The following PTPRK variants were observed in gnomAD, a reference collection of about 807,000 sequenced individuals.
PTPRK encodes receptor-type tyrosine-protein phosphatase kappa.
In PTPRK, 75 loss-of-function variants were observed where a neutral mutation model predicts 178.0. The ratio of observed to expected loss-of-function variants is 0.42; its 90% CI spans 0.35 to 0.51. The LOEUF is 0.51. Ranked by LOEUF, PTPRK falls within the 20% of genes least tolerant of loss-of-function variation. The pLI, the probability that PTPRK is intolerant of heterozygous loss-of-function variation, is 0.02. For synonymous variants in PTPRK, 637 were observed against 620.6 expected (o/e 1.03, Z -0.39); for missense variants, 1,441 against 1,797.8 (o/e 0.80, Z 3.59).
At chr6:128,070,697 T>C (rs1782664849) in intron 11 of PTPRK, among the ~76,000 whole-genome samples, 1 of 151,898 alleles carries the variant, frequency 6.6e-6, no homozygotes, top group Non-Finnish European at 1.5e-5. Flanking sequence ...GAGAAATGTC[T>C]TCATGATATA....
intron 3 of PTPRK, among the ~76,000 whole-genome samples, chr6:128,277,587 G>A (rs942904347): frequency 6.6e-6 from 1 of 152,130 alleles, no homozygotes; most frequent in Non-Finnish European, 1.5e-5. Context: ...ATTCTGAAAG[G>A]AGATCAATAC....
chr6:128,024,219 G>A (rs1218612843), intron 13 of PTPRK, among the ~76,000 whole-genome samples: 1 of 152,108 alleles, frequency 6.6e-6, no homozygotes, highest in African/African-American at 2.4e-5. Flanking sequence ...TAAGAGCTCT[G>A]TAAACATCTG....
intron 21 of PTPRK, among the ~76,000 whole-genome samples, chr6:127,988,882 T>C (rs1776269505): frequency 6.6e-6 from 1 of 152,080 alleles, no homozygotes; most frequent in African/African-American, 2.4e-5. Context: ...TTATAATTTT[T>C]CACATGATTT....
intron 1 of PTPRK, among the ~76,000 whole-genome samples, chr6:128,493,104 ATGAG>A (rs1326043667): frequency 4.6e-5 from 7 of 152,340 alleles, no homozygotes; most frequent in Non-Finnish European, 1.0e-4. Context: ...TGTTAAATGA[ATGAG>A]TGAGTTGGCT....
chr6:128,494,865 G>C (rs1854430447), intron 1 of PTPRK, among the ~76,000 whole-genome samples: 1 of 152,066 alleles, frequency 6.6e-6, no homozygotes, highest in Non-Finnish European at 1.5e-5. Context: ...GAAAGTATAG[G>C]GGAGAAAGTA....
intron 16 of PTPRK, 78 bp downstream of exon 16, chr6:127,998,642 G>C: frequency 8.0e-7 from 1 of 1,245,900 alleles, no homozygotes; most frequent in East Asian, 2.5e-5. Flanking sequence ...TTGTGTTAAA[G>C]AGAGGGAAAA....
At chr6:127,995,562 T>A (rs1443080555) in intron 17 of PTPRK, 24 bp from the exon 18 acceptor site, 1 of 1,427,462 alleles carries the variant, frequency 7.0e-7, no homozygotes. Flanking sequence ...ATAATAAATA[T>A]AAGCTGTTAA....
Position 128,206,182 on chromosome 6 carries a change from T to C in PTPRK, c.868+12740A>G, listed in dbSNP as rs993555608. Among the ~76,000 whole-genome samples, 22 of 151,940 alleles carry C rather than the reference T, an allele frequency of 1.4e-4. 1 individual carries two copies. The highest frequency in any genetic ancestry group is 1.3e-3 in the Admixed American group (20 of 15,232). ...TCCTCAAATATGTTAATCAAATCAATGAATATATAGGGTTTTTATGTCAAT... is the reference window on the plus strand; with the variant it reads ...TCCTCAAATATGTTAATCAAATCAACGAATATATAGGGTTTTTATGTCAAT... On this transcript the variant is annotated intron_variant, in intron 6 of 29. Transcript: ENST00000368226.
At chr6:128,089,054 T>C (rs1378444073) in intron 8 of PTPRK, among the ~76,000 whole-genome samples, 1 of 152,180 alleles carries the variant, frequency 6.6e-6, no homozygotes, top group Non-Finnish European at 1.5e-5. Flanking sequence ...CCTCTGTCCC[T>C]GGGTTCAAGT....
intron 7 of PTPRK, among the ~76,000 whole-genome samples, chr6:128,124,404 T>G (rs1405176646): frequency 6.6e-6 from 1 of 152,180 alleles, no homozygotes; most frequent in Non-Finnish European, 1.5e-5. Context: ...TAAACATATC[T>G]GTTTAACACA....
At chr6:128,397,442 A>T in intron 2 of PTPRK, 124 bp downstream of exon 2, 1 of 1,179,106 alleles carries the variant, frequency 8.5e-7, no homozygotes, top group Non-Finnish European at 1.2e-6. Flanking sequence ...CTTAGAAGTG[A>T]TCCAGTAGCA....
At chr6:128,351,609 T>C (rs1833145886) in intron 2 of PTPRK, among the ~76,000 whole-genome samples, 2 of 152,200 alleles carry the variant, frequency 1.3e-5, no homozygotes, top group South Asian at 2.1e-4. Context: ...TTCTTAAAAT[T>C]AGAATTTACC....
chr6:128,177,690 G>T lies in PTPRK; in HGVS notation c.1162+6742C>A, dbSNP rs151158781. ...ATGACTAACTGTACAACCTGCTCCTGAGGTGAAACCCAAAAGGTACTGGGC... is the reference window on the plus strand; with the variant it reads ...ATGACTAACTGTACAACCTGCTCCTTAGGTGAAACCCAAAAGGTACTGGGC... On this transcript the variant is annotated intron_variant, in intron 7 of 29. Coordinates refer to ENST00000368226, the MANE Select transcript of PTPRK (RefSeq NM_002844.4). Among the ~76,000 whole-genome samples the T allele has an allele frequency of 1.1e-4, 16 of 151,830 alleles. No homozygotes were observed. In the East Asian group the frequency reaches 2.3e-3, roughly 22 times the overall value.
chr6:128,078,671 A>G (rs1458238058), intron 11 of PTPRK, 142 bp downstream of exon 11: 1 of 474,044 alleles, frequency 2.1e-6, no homozygotes, highest in East Asian at 3.0e-5. Context: ...ATTAAACTTT[A>G]TCATAGGTTT....
In PTPRK at chr6:128,396,564, T is replaced by C. The variant is rs770536474; in HGVS notation, c.223+1002A>G. Among the ~76,000 whole-genome samples, 3 of 152,178 alleles carry C rather than the reference T, an allele frequency of 2.0e-5. No individual in the cohort carries two copies. The South Asian group carries it at 6.2e-4, about 32-fold the overall frequency. On this transcript the variant is annotated intron_variant, in intron 2 of 29. Transcript: ENST00000368226. The stretch of plus-strand genomic sequence containing the variant: ...GAAAGCACAACTATTAGTCCAATAT[T>C]GTATGAAATGGTATGTAAATATTGA...
chr6:128,386,859 G>A (rs1471172468), intron 2 of PTPRK, among the ~76,000 whole-genome samples: 1 of 152,146 alleles, frequency 6.6e-6, no homozygotes, highest in Non-Finnish European at 1.5e-5. Flanking sequence ...CATAAGATCA[G>A]GAGTTTGAGA....
chr6:128,218,629 C>T (rs756793830), intron 6 of PTPRK, among the ~76,000 whole-genome samples: 5 of 152,132 alleles, frequency 3.3e-5, no homozygotes, highest in Non-Finnish European at 7.4e-5. Flanking sequence ...AGTTAAAATA[C>T]AAACGAGGTG....
intron 3 of PTPRK, among the ~76,000 whole-genome samples, chr6:128,264,892 T>G (rs1403168288): frequency 1.3e-5 from 2 of 152,134 alleles, no homozygotes; most frequent in African/African-American, 4.8e-5. Context: ...AAAATGGGAA[T>G]TTCCCTGCAC....
At position 128,067,440 on chromosome 6, in the gene PTPRK, G is replaced by T. The variant is rs529480482; in HGVS notation, c.2157+79C>A. ...CTTTTTCTTTTTTTTTTTCTTGACGGATGCTACTGAGTATTCATAAAATTT... is the reference window on the plus strand; with the variant it reads ...CTTTTTCTTTTTTTTTTTCTTGACGTATGCTACTGAGTATTCATAAAATTT... On this transcript the variant is annotated intron_variant, in intron 12 of 29. Coordinates refer to ENST00000368226, the MANE Select transcript of PTPRK (RefSeq NM_002844.4). 6.0e-6 allele frequency: 8 copies of T among 1,340,860 alleles called. No homozygotes were observed. In the African/African-American group the frequency reaches 1.2e-4, roughly 20 times the overall value. 83.1% of individuals were successfully genotyped at this position (1,340,860 alleles called of 1,614,324 possible). A position where few individuals can be genotyped will look rare whatever the true frequency, so the allele number is the denominator to read the frequency against.
Sources: allele counts gnomAD v4.1 joint callset (sites outside exome capture counted in the v4.1 genomes callset), GRCh38; gene constraint gnomAD v4.1.1; transcripts MANE v1.5; gene names NCBI Gene and HGNC (gene_info 2026-07-23, HGNC 2026-07-21).